The following CYP2C19 variants were observed in gnomAD, a reference collection of about 807,000 sequenced individuals.
CYP2C19 encodes cytochrome P450 2C19.
Under a neutral mutation model 40.9 loss-of-function variants are expected in CYP2C19, and 59 were observed. That is an observed-to-expected ratio of 1.44 (90% CI 1.17 to 1.79). The LOEUF (loss-of-function observed/expected upper bound fraction) is 1.79, where lower values mean the gene tolerates loss of function less well. CYP2C19 is among the 40% of genes most tolerant of loss of function. The pLI is 0.00. For missense variants in CYP2C19, 754 were observed against 596.9 expected, an observed-to-expected ratio of 1.26 and a Z score of -2.74; for synonymous variants, 253 against 208.7, an observed-to-expected ratio of 1.21 and a Z score of -1.83.
intron 5 of CYP2C19, among the ~76,000 whole-genome samples, chr10:94,805,743 A>T (rs1377435396): frequency 2.0e-5 from 3 of 152,150 alleles, no homozygotes; most frequent in Non-Finnish European, 2.9e-5. Context: ...CAACAAACAA[A>T]ACCAAAGTAA....
At chr10:94,776,412 A>G (rs1010936846) in intron 3 of CYP2C19, 4 of 152,094 alleles carry the variant, frequency 2.6e-5, no homozygotes, top group African/African-American at 9.7e-5. Flanking sequence ...TCACCTATGA[A>G]GTTTTACAAT....
intron 7 of CYP2C19, among the ~76,000 whole-genome samples, chr10:94,847,011 G>A (rs1188997106): frequency 6.6e-6 from 1 of 151,960 alleles, no homozygotes; most frequent in Non-Finnish European, 1.5e-5. Context: ...CAAATGCCCT[G>A]TGAATAGACA....
chr10:94,797,895 G>T (rs972080409), intron 5 of CYP2C19, among the ~76,000 whole-genome samples: 1 of 151,702 alleles, frequency 6.6e-6, no homozygotes, highest in East Asian at 1.9e-4. Flanking sequence ...TTCTTTATTA[G>T]TCTTCCTAGT....
intron 6 of CYP2C19, among the ~76,000 whole-genome samples, chr10:94,831,599 C>A (rs1403840169): frequency 6.6e-6 from 1 of 152,158 alleles, no homozygotes; most frequent in Non-Finnish European, 1.5e-5. Flanking sequence ...GCCATTTTAA[C>A]TGGAGTGAGG....
chr10:94,799,847 G>C (rs114035987), intron 5 of CYP2C19, among the ~76,000 whole-genome samples: 4 of 151,818 alleles, frequency 2.6e-5, no homozygotes, highest in African/African-American at 9.7e-5. Flanking sequence ...CATGGTTTTT[G>C]GTTCCATCAG....
chr10:94,805,180 T>C (rs183212234), intron 5 of CYP2C19, among the ~76,000 whole-genome samples: 1 of 152,142 alleles, frequency 6.6e-6, no homozygotes, highest in Non-Finnish European at 1.5e-5. Flanking sequence ...AAATTTAGTA[T>C]GCCTTAGCTT....
In CYP2C19 at chr10:94,851,349, C is replaced by A. The variant is rs1849651095; in HGVS notation, c.1291+1291C>A. On this transcript the variant is annotated intron_variant, in intron 8 of 8. Transcript: ENST00000371321. The stretch of plus-strand genomic sequence containing the variant: ...AAGTGAGAAATCATCCCCTATGATG[C>A]AATCACCTTCTACCAGGTATCTCCC... 2.6e-5 allele frequency among the ~76,000 whole-genome samples: 4 copies of A among 151,964 alleles called. No homozygotes were observed. The South Asian group carries it at 6.2e-4, about 24-fold the overall frequency.
At position 94,850,030 on chromosome 10, in the gene CYP2C19, A is replaced by G; in HGVS notation, c.1263A>G (p.Lys421=). The change falls in exon 8 of 9, where the codon AAA becomes AAG. Residue 421 remains lysine, a synonymous_variant. Coordinates refer to ENST00000371321, the MANE Select transcript of CYP2C19 (RefSeq NM_000769.4). ...TGGATGAAGGTGGAAATTTTAAGAA[A>G]AGTAACTACTTCATGCCTTTCTCAG... ...HFLDEGGNFK[K]SNYFMPFSAG... 6 of 1,613,680 alleles carry G rather than the reference A, an allele frequency of 3.7e-6. No individual in the cohort carries two copies. Among genetic ancestry groups the G allele is most frequent in the Non-Finnish European group, 5.1e-6 (6 of 1,179,720 alleles).
At chr10:94,838,675 G>A (rs1204393649) in intron 6 of CYP2C19, among the ~76,000 whole-genome samples, 1 of 152,006 alleles carries the variant, frequency 6.6e-6, no homozygotes, top group Non-Finnish European at 1.5e-5. Context: ...GTTAGCTGGG[G>A]AAGGAGTCAG....
chr10:94,849,990 A>G lies in CYP2C19; in HGVS notation c.1223A>G (p.Asp408Gly), dbSNP rs1278986252. The change falls in exon 8 of 9, where the codon GAC (aspartate) becomes GGC (glycine). Residue 408 changes from aspartate (D) to glycine (G), a missense_variant. Physicochemically the swap from Asp to Gly is moderately conservative, Grantham distance 94 (BLOSUM62 -1). Coordinates refer to ENST00000371321, the MANE Select transcript of CYP2C19 (RefSeq NM_000769.4). Reference protein sequence around the residue: ...NKEFPNPEMFDPRHFLDEGGN... With the variant: ...NKEFPNPEMFGPRHFLDEGGN... ...GAATTTCCCAACCCAGAGATGTTTG[A>G]CCCTCGTCACTTTCTGGATGAAGGT... is the stretch of plus-strand genomic sequence containing the variant. 4 of 1,613,696 alleles carry G rather than the reference A, an allele frequency of 2.5e-6. No homozygotes were observed. The highest frequency in any genetic ancestry group is 3.4e-6 in the Non-Finnish European group (4 of 1,179,784).
intron 6 of CYP2C19, among the ~76,000 whole-genome samples, chr10:94,823,481 C>A (rs1473525693): frequency 6.6e-6 from 1 of 152,160 alleles, no homozygotes; most frequent in African/African-American, 2.4e-5. Context: ...CGTTATCCTA[C>A]AGAAAGGGAA....
Position 94,772,537 on chromosome 10 carries a change from T to G in CYP2C19, c.169-2521T>G, listed in dbSNP as rs188120721. On this transcript the variant is annotated intron_variant, in intron 1 of 8. Coordinates refer to ENST00000371321, the MANE Select transcript of CYP2C19 (RefSeq NM_000769.4). ...TAGCTAGGATAGATAGGCAAGTCTCTCTTGGGTGACATGACTTTGAGAGTT... is the reference window on the plus strand; with the variant it reads ...TAGCTAGGATAGATAGGCAAGTCTCGCTTGGGTGACATGACTTTGAGAGTT... Among the ~76,000 whole-genome samples the G allele has an allele frequency of 3.1e-3, 472 of 152,274 alleles. 3 individuals carry two copies. Among genetic ancestry groups the G allele is most frequent in the African/African-American group, 0.011 (449 of 41,558 alleles).
intron 8 of CYP2C19, 96 bp downstream of exon 8, chr10:94,850,154 A>T: frequency 7.2e-7 from 1 of 1,384,758 alleles, no homozygotes; most frequent in Non-Finnish European, 1.0e-6. Flanking sequence ...TGGTACAGTT[A>T]CTCTTTGTAC....
intron 8 of CYP2C19, among the ~76,000 whole-genome samples, chr10:94,851,165 G>A (rs1003130042): frequency 2.0e-5 from 3 of 152,082 alleles, no homozygotes; most frequent in African/African-American, 7.2e-5. Flanking sequence ...AGGAAGAATG[G>A]CTGGGAGGAC....
At chr10:94,809,784 A>G (rs977525621) in intron 5 of CYP2C19, among the ~76,000 whole-genome samples, 1 of 152,050 alleles carries the variant, frequency 6.6e-6, no homozygotes, top group Non-Finnish European at 1.5e-5. Flanking sequence ...AGGGGAGTTG[A>G]ATTTTGTCAA....
rs758507623 is a variant in CYP2C19 at position 94,854,933 on chromosome 10, A to G, written c.*2019A>G. Among the ~76,000 whole-genome samples the G allele has an allele frequency of 1.2e-4, 19 of 152,158 alleles. No individual in the cohort carries two copies. Among genetic ancestry groups the G allele is most frequent in the Non-Finnish European group, 2.2e-4 (15 of 68,020 alleles). ...TACATTTTAAACATTCTTCATTGGG[A>G]AATGAAAATGTATTAATGTAGTGTT... On this transcript the variant is annotated 3_prime_UTR_variant, in exon 9 of 9. Transcript: ENST00000371321.
At chr10:94,851,638 CA>C (rs1419204921) in intron 8 of CYP2C19, among the ~76,000 whole-genome samples, 1 of 152,050 alleles carries the variant, frequency 6.6e-6, no homozygotes, top group Non-Finnish European at 1.5e-5. Context: ...GAGGTGTCAG[CA>C]AGTTCACTGT....
chr10:94,817,857 C>T (rs911597941), intron 5 of CYP2C19, among the ~76,000 whole-genome samples: 10 of 151,456 alleles, frequency 6.6e-5, no homozygotes, highest in Non-Finnish European at 1.5e-5. Flanking sequence ...ACTAAAAATA[C>T]AAAAAATTAG....
chr10:94,765,259 G>T (rs1172814866), intron 1 of CYP2C19, among the ~76,000 whole-genome samples: 1 of 152,092 alleles, frequency 6.6e-6, no homozygotes, highest in Non-Finnish European at 1.5e-5. Flanking sequence ...CACTGATGGA[G>T]TTGAGTTTTG....
Sources: allele counts gnomAD v4.1 joint callset (sites outside exome capture counted in the v4.1 genomes callset), GRCh38; gene constraint gnomAD v4.1.1; transcripts MANE v1.5; gene names NCBI Gene and HGNC (gene_info 2026-07-23, HGNC 2026-07-21).